Variants in CCR9 observed in about 807,000 individuals in gnomAD.
The protein encoded by CCR9 is C-C chemokine receptor type 9.
A neutral mutation model predicts 8.7 loss-of-function variants in CCR9; 4 were observed. The observed-to-expected ratio is 0.46, with a 90% CI of 0.23 to 1.06. The LOEUF (loss-of-function observed/expected upper bound fraction) is 1.06. CCR9 is among the 50% of genes least tolerant of loss of function. CCR9 has a pLI of 0.21. For synonymous variants in CCR9, 159 were observed against 168.8 expected (o/e 0.94, Z 0.45); for missense variants, 394 against 453.6 (o/e 0.87, Z 1.19).
Position 45,901,477 on chromosome 3 carries a change from T to C in CCR9, c.689T>C (p.Met230Thr). 6.2e-7 allele frequency: 1 copy of C among 1,614,204 alleles called. No homozygotes were observed. The highest frequency in any genetic ancestry group is 1.3e-5 in the African/African-American group (1 of 75,052). ...GGGTTCTTCCTTCCCTTCGTGGTCA[T>C]GGCTTGCTGCTATACCATCATCATT... Reference protein sequence around the residue: ...ILGFFLPFVVMACCYTIIIHT... With the variant: ...ILGFFLPFVVTACCYTIIIHT... The change falls in exon 3 of 3, where the codon ATG becomes ACG. Residue 230 changes from methionine to threonine, a missense_variant. By Grantham distance (81) the Met-to-Thr change is moderately conservative. Coordinates refer to ENST00000357632, the MANE Select transcript of CCR9 (RefSeq NM_031200.3). This position sits in a 1 kb window ranked among gnomAD's most constrained non-coding sequence, Gnocchi z 4.3.
At chr3:45,895,587 G>A (rs111936439) in intron 2 of CCR9, among the ~76,000 whole-genome samples, 281 of 152,240 alleles carry the variant, frequency 1.8e-3, no homozygotes, top group African/African-American at 6.5e-3. Context: ...GGTGGCATGC[G>A]CATGTAATCC....
intron 2 of CCR9, among the ~76,000 whole-genome samples, chr3:45,897,931 C>A (rs1702411849): frequency 6.8e-6 from 1 of 147,932 alleles, no homozygotes. Flanking sequence ...TGCTTCACAG[C>A]CGTGGGCTCA....
At chr3:45,897,578 T>G in intron 2 of CCR9, 1 of 1,535,712 alleles carries the variant, frequency 6.5e-7, no homozygotes, top group African/African-American at 1.4e-5. Flanking sequence ...CAGGCCCCGC[T>G]CCAGATCACC....
intron 2 of CCR9, chr3:45,897,531 T>C: frequency 1.4e-6 from 2 of 1,469,596 alleles, no homozygotes; most frequent in Non-Finnish European, 1.8e-6. Flanking sequence ...CTGGGATTTC[T>C]GCACAATTTC....
chr3:45,897,436 A>T, intron 2 of CCR9: 1 of 704,316 alleles, frequency 1.4e-6, no homozygotes, highest in East Asian at 2.7e-5. Context: ...CCAGCAGGAC[A>T]CAATGTCCTT....
intron 1 of CCR9, among the ~76,000 whole-genome samples, chr3:45,893,186 G>T (rs373194322): frequency 6.8e-6 from 1 of 147,386 alleles, no homozygotes; most frequent in Admixed American, 6.8e-5. Context: ...ATGGAGTCTT[G>T]CTCTGTCACC....
chr3:45,892,385 A>AAAGAAC (rs1702209895), intron 1 of CCR9, among the ~76,000 whole-genome samples: 1 of 152,220 alleles, frequency 6.6e-6, no homozygotes. Flanking sequence ...CAGCCATAAA[A>AAAGAAC]AAGAACAAGA....
chr3:45,893,979 T>C (rs1191163778), intron 1 of CCR9, among the ~76,000 whole-genome samples: 2 of 152,194 alleles, frequency 1.3e-5, no homozygotes, highest in African/African-American at 2.4e-5. Flanking sequence ...GTTGGCTTTA[T>C]AGGATTTATG....
At position 45,901,255 on chromosome 3, in the gene CCR9, C is replaced by A. The variant is rs775184107; in HGVS notation, c.467C>A (p.Thr156Asn). ...IAIAQAMRAH[T>N]WREKRLLYSK... is the part of the protein sequence containing the mutation. ...ATTGCCCAGGCCATGAGAGCACATA[C>A]TTGGAGGGAGAAAAGGCTTTTGTAC... The change falls in exon 3 of 3, where the codon ACT (threonine) becomes AAT (asparagine). Residue 156 changes from threonine to asparagine, a missense_variant. Transcript: ENST00000357632. The surrounding 1 kb of genome is among the most constrained non-coding windows in gnomAD (Gnocchi z 4.3). 1.9e-6 allele frequency: 3 copies of A among 1,614,194 alleles called. No homozygotes were observed. The South Asian group carries it at 3.3e-5, about 18-fold the overall frequency.
rs1702609378 is a variant in CCR9, at chr3:45,903,123, TA to T, written c.*1226del. The T allele has an allele frequency of 6.0e-6, 1 of 167,122 alleles. No homozygotes were observed. 10.4% of individuals were successfully genotyped at this position (167,122 alleles called of 1,614,324 possible). A position where few individuals can be genotyped will look rare whatever the true frequency, so the allele number is the denominator to read the frequency against. On this transcript the variant is annotated 3_prime_UTR_variant, in exon 3 of 3. Coordinates refer to ENST00000357632, the MANE Select transcript of CCR9 (RefSeq NM_031200.3). ...AGCATTAATTACTTGTCACTTTCTT[TA>T]CCCTGTCTCAATATTTTAAGTGTGT... is the stretch of plus-strand genomic sequence containing the variant.
At position 45,900,510 on chromosome 3, in the gene CCR9, C is replaced by T. The variant is rs1008191043; in HGVS notation, c.22-300C>T. Among the ~76,000 whole-genome samples the T allele has an allele frequency of 2.0e-5, 3 of 152,124 alleles. No individual in the cohort carries two copies. The highest frequency in any genetic ancestry group is 1.9e-4 in the East Asian group (1 of 5,198). On this transcript the variant is annotated intron_variant, in intron 2 of 2. Transcript: ENST00000357632. The surrounding 1 kb of genome is among the most constrained non-coding windows in gnomAD (Gnocchi z 4.7). ...CATGCACACTATAAATGTTCATTTG[C>T]GTGTCTGGTTGCTCTATGGGTAGGT...
intron 2 of CCR9, among the ~76,000 whole-genome samples, chr3:45,898,381 G>C (rs1430669055): frequency 1.3e-5 from 2 of 152,230 alleles, no homozygotes; most frequent in Non-Finnish European, 2.9e-5. Flanking sequence ...TGGGTTTCCA[G>C]ACAAGGGCCA....
rs1432578373 is a variant in CCR9 at position 45,901,770 on chromosome 3, C to G, written c.982C>G (p.Leu328Val). ...TGTGGGTGAGAGATTCCGCCGGGAT[C>G]TCGTGAAAACCCTGAAGAACTTGGG... is the stretch of plus-strand genomic sequence containing the variant. ...VFVGERFRRD[L>V]VKTLKNLGCI... Residue 328 changes from leucine (L) to valine (V), a missense_variant, in exon 3 of 3, where the codon CTC (leucine) becomes GTC (valine). Physicochemically the swap from Leu to Val is conservative, Grantham distance 32 (BLOSUM62 1). Transcript: ENST00000357632. This position sits in a 1 kb window ranked among gnomAD's most constrained non-coding sequence, Gnocchi z 4.3. 4 of 1,614,178 alleles carry G rather than the reference C, an allele frequency of 2.5e-6. No homozygotes were observed. The highest frequency in any genetic ancestry group is 3.4e-6 in the Non-Finnish European group (4 of 1,180,050).
intron 2 of CCR9, chr3:45,897,687 G>T: frequency 3.8e-6 from 5 of 1,325,928 alleles, no homozygotes; most frequent in Non-Finnish European, 5.1e-6. Flanking sequence ...CCTCTCATTT[G>T]TTCCCCAGGA....
At chr3:45,889,597 A>G (rs1293097021) in intron 1 of CCR9, among the ~76,000 whole-genome samples, 1 of 152,148 alleles carries the variant, frequency 6.6e-6, no homozygotes, top group East Asian at 1.9e-4. Flanking sequence ...TGAAAACATG[A>G]AAGTTCATTT....
At chr3:45,891,200 C>T (rs762834160) in intron 1 of CCR9, among the ~76,000 whole-genome samples, 11 of 152,226 alleles carry the variant, frequency 7.2e-5, no homozygotes, top group Non-Finnish European at 1.2e-4. Context: ...GGTAAGGTCA[C>T]GGCCGGAGGC....
At chr3:45,895,975 G>A (rs1702343454) in intron 2 of CCR9, among the ~76,000 whole-genome samples, 1 of 152,198 alleles carries the variant, frequency 6.6e-6, no homozygotes, top group Non-Finnish European at 1.5e-5. Flanking sequence ...GGGTTTCCAT[G>A]ATCTATGGAG....
intron 2 of CCR9, chr3:45,897,527 T>C (rs923155423): frequency 2.8e-6 from 4 of 1,444,306 alleles, no homozygotes; most frequent in Non-Finnish European, 3.8e-6. Flanking sequence ...GGTCCTGGGA[T>C]TTCTGCACAA....
rs200940136 is a variant in CCR9 at position 45,900,914 on chromosome 3, T to G, written c.126T>G (p.Asn42Lys). Residue 42 changes from asparagine to lysine, a missense_variant, in exon 3 of 3, where the codon AAT (asparagine) becomes AAG (lysine). Physicochemically the swap from Asn to Lys is moderately conservative, Grantham distance 94. Coordinates refer to ENST00000357632, the MANE Select transcript of CCR9 (RefSeq NM_031200.3). The surrounding 1 kb of genome is among the most constrained non-coding windows in gnomAD (Gnocchi z 4.7). ...NFTDFYCEKNNVRQFASHFLP... is the reference protein window; with the variant it reads ...NFTDFYCEKNKVRQFASHFLP... The stretch of plus-strand genomic sequence containing the variant: ...CTGACTTCTACTGTGAGAAAAACAA[T>G]GTCAGGCAGTTTGCGAGCCATTTCC... 1.9e-6 allele frequency: 3 copies of G among 1,614,194 alleles called. No homozygotes were observed. Among genetic ancestry groups the G allele is most frequent in the Non-Finnish European group, 2.5e-6 (3 of 1,180,030 alleles).
Sources: gnomAD v4.1 joint callset for allele counts (sites outside exome capture counted in the v4.1 genomes callset) on GRCh38, gnomAD v4.1.1 for gene constraint, Gnocchi (gnomAD v3.1) non-coding constraint, MANE v1.5 for transcripts, NCBI Gene and HGNC (gene_info 2026-07-23, HGNC 2026-07-21) for gene names.